SLC23A2: variants seen among roughly 807,000 people sequenced by gnomAD.
The protein encoded by SLC23A2 is solute carrier family 23 member 2.
In SLC23A2, 36 loss-of-function variants were observed where a neutral mutation model predicts 73.3. The ratio of observed to expected loss-of-function variants is 0.49; its 90% CI spans 0.38 to 0.65. The LOEUF is 0.65. Among genes scored for constraint, SLC23A2 ranks in the 30% least tolerant of loss-of-function variants. SLC23A2 has a pLI of 0.00. For missense variants in SLC23A2, 507 were observed against 841.6 expected (o/e 0.60, Z 4.92); for synonymous variants, 343 against 327.3 (o/e 1.05, Z -0.52).
chr20:4,978,028 C>G (rs2087671090), intron 1 of SLC23A2, among the ~76,000 whole-genome samples: 1 of 151,982 alleles, frequency 6.6e-6, no homozygotes, highest in Admixed American at 6.6e-5. Flanking sequence ...ACAAGGGTCT[C>G]TACAAAAACA....
chr20:4,884,690 A>G, intron 8 of SLC23A2, 63 bp downstream of exon 8: 1 of 1,125,124 alleles, frequency 8.9e-7, no homozygotes, highest in South Asian at 1.3e-5. Flanking sequence ...TTCTTGGGTC[A>G]ACCAACATTG....
intron 2 of SLC23A2, among the ~76,000 whole-genome samples, chr20:4,939,622 C>A (rs1163059594): frequency 6.6e-6 from 1 of 152,160 alleles, no homozygotes; most frequent in Non-Finnish European, 1.5e-5. Flanking sequence ...AAGGTCCCTG[C>A]TAAAAATGGT....
intron 2 of SLC23A2, among the ~76,000 whole-genome samples, chr20:4,940,914 G>A (rs536501553): frequency 1.1e-4 from 17 of 152,296 alleles, no homozygotes; most frequent in South Asian, 4.1e-4. Context: ...CCAGCACTTC[G>A]GGAGGCCAAG....
At chr20:4,888,967 G>A (rs1249072635) in intron 6 of SLC23A2, among the ~76,000 whole-genome samples, 1 of 152,216 alleles carries the variant, frequency 6.6e-6, no homozygotes, top group East Asian at 1.9e-4. Context: ...AGGTGGCTGA[G>A]ACTGACAACC....
intron 1 of SLC23A2, among the ~76,000 whole-genome samples, chr20:4,983,394 C>T (rs1199118681): frequency 6.6e-6 from 1 of 152,152 alleles, no homozygotes. Flanking sequence ...CGCCTGTAAT[C>T]CCAGCACTTC....
At position 4,857,760 on chromosome 20, in the gene SLC23A2, G is replaced by A. The variant is rs1295083020; in HGVS notation, c.1721-556C>T. Among the ~76,000 whole-genome samples, 2 of 151,918 alleles carry A rather than the reference G, an allele frequency of 1.3e-5. No individual in the cohort carries two copies. The highest frequency in any genetic ancestry group is 4.8e-5 in the African/African-American group (2 of 41,364). ...AGCCTAGCCAACATGGTGAAATCCC[G>A]TCCCCACTCAAAATACAAAAATTAG... On this transcript the variant is annotated intron_variant, in intron 16 of 16. Coordinates refer to ENST00000338244, the MANE Select transcript of SLC23A2 (RefSeq NM_005116.6). The surrounding 1 kb of genome is among the most constrained non-coding windows in gnomAD (Gnocchi z 4.0).
upstream of SLC23A2, among the ~76,000 whole-genome samples, chr20:5,002,544 G>A (rs1213485333): frequency 4.6e-5 from 7 of 152,206 alleles, no homozygotes; most frequent in Non-Finnish European, 7.3e-5. Flanking sequence ...ACCTCACATG[G>A]AGAGAAATTG....
rs1041354351 is a variant in SLC23A2 at position 4,883,504 on chromosome 20, A to G, written c.824+138T>C. ...ACTCTGGGTCAAAAACCCTTCAACT[A>G]TTCCCCAGCACGAAGCAAATAAAGT... On this transcript the variant is annotated intron_variant, in intron 9 of 16. Coordinates refer to ENST00000338244, the MANE Select transcript of SLC23A2 (RefSeq NM_005116.6). This position sits in a 1 kb window ranked among gnomAD's most constrained non-coding sequence, Gnocchi z 4.5. 9.2e-6 allele frequency: 6 copies of G among 654,162 alleles called. No homozygotes were observed. The African/African-American group carries it at 9.3e-5, about 10-fold the overall frequency. The allele number at this position is 654,162 out of a possible 1,614,324, so 40.5% of individuals were successfully genotyped here. A position where few individuals can be genotyped will look rare whatever the true frequency, so the allele number is the denominator to read the frequency against.
intron 5 of SLC23A2, among the ~76,000 whole-genome samples, chr20:4,900,546 C>A (rs1931705639): frequency 6.6e-6 from 1 of 152,154 alleles, no homozygotes; most frequent in African/African-American, 2.4e-5. Flanking sequence ...TAAAAAAGTT[C>A]TTTCATGTCT....
At chr20:4,910,030 T>C (rs539790570) in intron 4 of SLC23A2, among the ~76,000 whole-genome samples, 1 of 152,312 alleles carries the variant, frequency 6.6e-6, no homozygotes, top group African/African-American at 2.4e-5. Flanking sequence ...AATAACCAGC[T>C]TACATGCCAC....
intron 2 of SLC23A2, among the ~76,000 whole-genome samples, chr20:4,940,587 C>CTTACTTTTACATT (rs377731492): frequency 5.3e-4 from 80 of 152,262 alleles, no homozygotes; most frequent in African/African-American, 1.9e-3. Flanking sequence ...GACCTAACGT[C>CTTACTTTTACATT]TACATTTTAA....
intron 1 of SLC23A2, among the ~76,000 whole-genome samples, chr20:5,006,831 A>G (rs1173533309): frequency 1.3e-5 from 2 of 151,498 alleles, no homozygotes; most frequent in African/African-American, 4.9e-5. Context: ...GTGAGCCACC[A>G]CTCCTGGCCT....
At chr20:4,919,010 G>A (rs1415238825) in intron 3 of SLC23A2, among the ~76,000 whole-genome samples, 1 of 152,120 alleles carries the variant, frequency 6.6e-6, no homozygotes, top group Non-Finnish European at 1.5e-5. Flanking sequence ...ATAGATTCGT[G>A]TTTCCCAGCC....
At chr20:4,896,609 C>T (rs1021577913) in intron 6 of SLC23A2, among the ~76,000 whole-genome samples, 7 of 152,148 alleles carry the variant, frequency 4.6e-5, no homozygotes, top group African/African-American at 1.2e-4. Flanking sequence ...AGGAAGGGAC[C>T]CCCAGGACGA....
At position 4,863,009 on chromosome 20, in the gene SLC23A2, G is replaced by A. The variant is rs1930040362; in HGVS notation, c.1357-102C>T. ...AGCAGAGATACCCATGGCCTGGCTC[G>A]CTACCTTCACCTCCTCCTCAGCCCA... is the stretch of plus-strand genomic sequence containing the variant. On this transcript the variant is annotated intron_variant, in intron 13 of 16. Coordinates refer to ENST00000338244, the MANE Select transcript of SLC23A2 (RefSeq NM_005116.6). This position sits in a 1 kb window ranked among gnomAD's most constrained non-coding sequence, Gnocchi z 4.8. The A allele has an allele frequency of 1.0e-5, 12 of 1,191,032 alleles. No homozygotes were observed. Among genetic ancestry groups the A allele is most frequent in the East Asian group, 5.2e-5 (2 of 38,588 alleles). 73.8% of individuals were successfully genotyped at this position (1,191,032 alleles called of 1,614,324 possible). A position where few individuals can be genotyped will look rare whatever the true frequency, so the allele number is the denominator to read the frequency against.
chr20:4,905,337 C>T (rs545035132), intron 4 of SLC23A2, among the ~76,000 whole-genome samples: 63 of 152,220 alleles, frequency 4.1e-4, no homozygotes, highest in African/African-American at 1.2e-3. Context: ...GTGAGGCAGA[C>T]GCTGTGCCCC....
At chr20:4,861,491 G>A (rs1929962389) in intron 15 of SLC23A2, among the ~76,000 whole-genome samples, 1 of 152,232 alleles carries the variant, frequency 6.6e-6, no homozygotes, top group Non-Finnish European at 1.5e-5. Flanking sequence ...GGACATTGCA[G>A]TGTTAAAACA....
chr20:4,964,906 AAAAAG>A (rs1457087305), intron 2 of SLC23A2, among the ~76,000 whole-genome samples: 8 of 152,074 alleles, frequency 5.3e-5, no homozygotes, highest in Admixed American at 2.0e-4. Context: ...GAAGAAAAAA[AAAAAG>A]AAAGGAAAAT....
rs1281159236 is a variant in SLC23A2 at position 4,947,418 on chromosome 20, C to T, written c.-154-14702G>A. ...TTTATTTCTACTACGTGATTTAACA[C>T]ATCACTTTTTGCACACATGGTGCTT... On this transcript the variant is annotated intron_variant, in intron 2 of 16. Transcript: ENST00000338244. This position sits in a 1 kb window ranked among gnomAD's most constrained non-coding sequence, Gnocchi z 4.4. Among the ~76,000 whole-genome samples the T allele has an allele frequency of 6.6e-6, 1 of 152,220 alleles. No homozygotes were observed. The highest frequency in any genetic ancestry group is 1.5e-5 in the Non-Finnish European group (1 of 68,030).
Sources: allele counts gnomAD v4.1 joint callset (sites outside exome capture counted in the v4.1 genomes callset), GRCh38; gene constraint gnomAD v4.1.1; non-coding constraint Gnocchi (gnomAD v3.1); transcripts MANE v1.5; gene names NCBI Gene and HGNC (gene_info 2026-07-23, HGNC 2026-07-21).